DCAF12: variants seen among roughly 807,000 people sequenced by gnomAD.
DCAF12 encodes DDB1 and CUL4 associated factor 12, also known as DDB1- and CUL4-associated factor 12.
In DCAF12, 28 loss-of-function variants were observed where a neutral mutation model predicts 52.8. The observed-to-expected ratio is 0.53, with a 90% CI of 0.39 to 0.73. The LOEUF is 0.73. Ranked by LOEUF, DCAF12 falls within the 30% of genes least tolerant of loss-of-function variation. The pLI, the probability that DCAF12 is intolerant of heterozygous loss-of-function variation, is 0.00. For synonymous variants in DCAF12, 196 were observed against 215.5 expected (o/e 0.91, Z 0.79); for missense variants, 425 against 552.2 (o/e 0.77, Z 2.31).
chr9:34,124,257 C>T (rs1321420805), intron 2 of DCAF12, among the ~76,000 whole-genome samples: 3 of 152,144 alleles, frequency 2.0e-5, no homozygotes, highest in East Asian at 1.9e-4. Flanking sequence ...GAGGGCTGGG[C>T]GTAATCATTT....
At chr9:34,114,749 G>A (rs150490667) in intron 2 of DCAF12, among the ~76,000 whole-genome samples, 111 of 152,226 alleles carry the variant, frequency 7.3e-4, no homozygotes, top group African/African-American at 2.5e-3. Context: ...GTCTATCTCT[G>A]CATGCATTCA....
chr9:34,119,229 C>T (rs930070585), intron 2 of DCAF12, among the ~76,000 whole-genome samples: 82 of 152,140 alleles, frequency 5.4e-4, no homozygotes, highest in Non-Finnish European at 9.7e-4. Context: ...TAAGAAAACG[C>T]AAGGTTCATC....
At position 34,105,252 on chromosome 9, in the gene DCAF12, C is replaced by CA. The variant is rs111302055; in HGVS notation, c.601+1181dup. Among the ~76,000 whole-genome samples, 1,105 of 122,718 alleles carry CA rather than the reference C, an allele frequency of 9.0e-3. 10 individuals carry two copies. Among genetic ancestry groups the CA allele is most frequent in the African/African-American group, 0.026 (850 of 33,194 alleles). The allele number at this position is 122,718 out of a possible 152,430, so 80.5% of individuals were successfully genotyped here. On this transcript the variant is annotated intron_variant, in intron 4 of 8. Coordinates refer to ENST00000361264, the MANE Select transcript of DCAF12 (RefSeq NM_015397.4). ...TGGAAGACAGAGTGAGACTCTGTCT[C>CA]AAAAAAAAAAAAAAATCATACTAAG...
At chr9:34,121,235 T>C (rs1260770268) in intron 2 of DCAF12, among the ~76,000 whole-genome samples, 5 of 152,126 alleles carry the variant, frequency 3.3e-5, no homozygotes, top group African/African-American at 1.2e-4. Context: ...ACCTGGCTAA[T>C]ATAAATGACT....
chr9:34,107,445 T>C lies in DCAF12; in HGVS notation c.454A>G (p.Arg152Gly), dbSNP rs1828921992. Residue 152 changes from arginine to glycine, a missense_variant, in exon 3 of 9, where the codon AGA becomes GGA. Transcript: ENST00000361264. ...GIHAIELNPS[R>G]TLLATGGDNP... ...TCTCCTCCAGTGGCTAGCAGTGTTC[T>C]AGAAGGATTCAGCTCGATGGCATGG... 2 of 1,614,180 alleles carry C rather than the reference T, an allele frequency of 1.2e-6. No individual in the cohort carries two copies. Among genetic ancestry groups the C allele is most frequent in the Non-Finnish European group, 1.7e-6 (2 of 1,180,036 alleles).
At chr9:34,116,732 A>G (rs1829093355) in intron 2 of DCAF12, among the ~76,000 whole-genome samples, 1 of 152,138 alleles carries the variant, frequency 6.6e-6, no homozygotes, top group African/African-American at 2.4e-5. Flanking sequence ...CTGTAATCCT[A>G]GCACTTGGGA....
chr9:34,108,814 T>A lies in DCAF12; in HGVS notation c.334-1249A>T, dbSNP rs13293614. Among the ~76,000 whole-genome samples the A allele has an allele frequency of 9.4e-3, 1,221 of 129,268 alleles. 12 individuals carry two copies. The highest frequency in any genetic ancestry group is 0.016 in the Middle Eastern group (4 of 248). 84.8% of individuals were successfully genotyped at this position (129,268 alleles called of 152,430 possible). A position where few individuals can be genotyped will look rare whatever the true frequency, so the allele number is the denominator to read the frequency against. On this transcript the variant is annotated intron_variant, in intron 2 of 8. Coordinates refer to ENST00000361264, the MANE Select transcript of DCAF12 (RefSeq NM_015397.4). ...GTCTCAAAAAAAATAAATAAATAAA[T>A]ATATATATATATATATGAATGAGGT...
intron 4 of DCAF12, among the ~76,000 whole-genome samples, chr9:34,100,541 C>T (rs1295991447): frequency 6.7e-6 from 1 of 150,120 alleles, no homozygotes; most frequent in Non-Finnish European, 1.5e-5. Context: ...GTTGCCCAGG[C>T]TGGAGTGGAG....
rs192769076 is a variant in DCAF12, at chr9:34,087,649, G to C, written c.*701C>G. ...AGGGCTGGATCACTTTGCAGTCCTG[G>C]CATGGGAGGCCCCAGGAAGCCTACA... On this transcript the variant is annotated 3_prime_UTR_variant, in exon 9 of 9. Coordinates refer to ENST00000361264, the MANE Select transcript of DCAF12 (RefSeq NM_015397.4). 7.9e-5 allele frequency: 12 copies of C among 152,250 alleles called. No homozygotes were observed. The East Asian group carries it at 2.1e-3, about 27-fold the overall frequency. The allele number at this position is 152,250 out of a possible 1,614,324, so 9.4% of individuals were successfully genotyped here.
At position 34,107,366 on chromosome 9, in the gene DCAF12, A is replaced by C. The variant is rs1828919906; in HGVS notation, c.533T>G (p.Val178Gly). The C allele has an allele frequency of 4.3e-6, 7 of 1,613,848 alleles. No individual in the cohort carries two copies. Among genetic ancestry groups the C allele is most frequent in the Non-Finnish European group, 5.1e-6 (6 of 1,179,926 alleles). ...YRLPTLDPVC[V>G]GDDGHKDWIF... ...ACTACTGGGAAAACTTACATCTCCT[A>C]CACACACAGGATCCAGCGTAGGTAG... The change falls in exon 3 of 9, where the codon GTA becomes GGA. Residue 178 changes from valine (V) to glycine (G), a missense_variant. Val to Gly is a moderately radical substitution (Grantham distance 109). Transcript: ENST00000361264.
chr9:34,088,348 C>A lies in DCAF12; in HGVS notation c.*2G>T. 1.3e-6 allele frequency: 2 copies of A among 1,549,954 alleles called. No individual in the cohort carries two copies. Among genetic ancestry groups the A allele is most frequent in the South Asian group, 1.2e-5 (1 of 81,186 alleles). On this transcript the variant is annotated 3_prime_UTR_variant, in exon 9 of 9. Transcript: ENST00000361264. ...TAAATCTCTGCATTTGGGGAGTTGT[C>A]ATTAACTCCAGAGCCCAGCATAGTT...
At chr9:34,104,047 T>C (rs1227221965) in intron 4 of DCAF12, among the ~76,000 whole-genome samples, 1 of 152,012 alleles carries the variant, frequency 6.6e-6, no homozygotes, top group South Asian at 2.1e-4. Flanking sequence ...TGCAGGCAGA[T>C]CACTTGAAGT....
intron 2 of DCAF12, among the ~76,000 whole-genome samples, chr9:34,111,183 ACCATATTGG>A (rs1828997841): frequency 6.6e-6 from 1 of 151,938 alleles, no homozygotes; most frequent in African/African-American, 2.4e-5. Context: ...ATGGGGTTTC[ACCATATTGG>A]CCAGGCTGGT....
intron 2 of DCAF12, among the ~76,000 whole-genome samples, chr9:34,108,811 A>AT (rs200429753): frequency 0.09 from 12,111 of 134,480 alleles, 728 homozygotes; most frequent in Middle Eastern, 0.14. Context: ...ATAAATAAAT[A>AT]AATATATATA....
chr9:34,100,367 T>G (rs1828808891), intron 4 of DCAF12, among the ~76,000 whole-genome samples: 1 of 151,142 alleles, frequency 6.6e-6, no homozygotes, highest in South Asian at 2.1e-4. Flanking sequence ...CCTGGCTAAT[T>G]TTTTGTATTT....
intron 2 of DCAF12, among the ~76,000 whole-genome samples, chr9:34,111,230 T>C (rs1828998434): frequency 6.6e-6 from 1 of 152,138 alleles, no homozygotes; most frequent in Admixed American, 6.6e-5. Flanking sequence ...GTGATCCACC[T>C]GCCTCAGCCT....
rs775264703 is a variant in DCAF12 at position 34,098,453 on chromosome 9, C to T, written c.666G>A (p.Ala222=). Residue 222 remains alanine (A), a synonymous_variant, in exon 5 of 9, where the codon GCG becomes GCA. Coordinates refer to ENST00000361264, the MANE Select transcript of DCAF12 (RefSeq NM_015397.4). The stretch of plus-strand genomic sequence containing the variant: ...CAGGGACCCGTGACACATTGTGTCT[C>T]GCATCACTTTTGGTCAAAACATCAT... The part of the protein sequence containing the change: ...VTDDVLTKSD[A]RHNVSRVPVY... 30 of 1,613,984 alleles carry T rather than the reference C, an allele frequency of 1.9e-5. No homozygotes were observed. Among genetic ancestry groups the T allele is most frequent in the Non-Finnish European group, 2.4e-5 (28 of 1,180,030 alleles).
At chr9:34,108,804 A>AAAAAAAAT (rs1410904584) in intron 2 of DCAF12, among the ~76,000 whole-genome samples, 36 of 118,004 alleles carry the variant, frequency 3.1e-4, no homozygotes, top group South Asian at 5.8e-4. Flanking sequence ...AAAAAAAATA[A>AAAAAAAAT]ATAAATAAAT....
At chr9:34,115,609 A>G (rs1195597939) in intron 2 of DCAF12, among the ~76,000 whole-genome samples, 3 of 147,968 alleles carry the variant, frequency 2.0e-5, no homozygotes, top group Admixed American at 1.4e-4. Flanking sequence ...AAAAAAAAAA[A>G]GTATATATAT....
Sources: gnomAD v4.1 joint callset for allele counts (sites outside exome capture counted in the v4.1 genomes callset) on GRCh38, gnomAD v4.1.1 for gene constraint, MANE v1.5 for transcripts, NCBI Gene and HGNC (gene_info 2026-07-23, HGNC 2026-07-21) for gene names.